Variants in STK11 observed in about 807,000 individuals in gnomAD.
STK11 encodes the protein serine/threonine kinase 11, also known as serine/threonine-protein kinase STK11.
In STK11, 8 loss-of-function variants were observed where a neutral mutation model predicts 47.3. That is an observed-to-expected ratio of 0.17 (90% CI 0.10 to 0.31). The LOEUF (loss-of-function observed/expected upper bound fraction) is 0.31, where lower values mean the gene tolerates loss of function less well. STK11 is among the 10% of genes least tolerant of loss of function. The probability of loss-of-function intolerance (pLI) is 1.00; values close to 1 mark genes in which losing one functional copy is unlikely to be tolerated. For missense variants in STK11, 475 were observed against 605.0 expected, an observed-to-expected ratio of 0.79 and a Z score of 2.25; for synonymous variants, 330 against 255.8, an observed-to-expected ratio of 1.29 and a Z score of -2.77.
At chr19:1,208,422 C>T (rs1414527077) in intron 1 of STK11, among the ~76,000 whole-genome samples, 1 of 151,252 alleles carries the variant, frequency 6.6e-6, no homozygotes, top group African/African-American at 2.4e-5. Flanking sequence ...ATTCTCCTGC[C>T]TCAGCCTCCC....
At chr19:1,226,081 C>G in intron 8 of STK11, 1 of 1,082,024 alleles carries the variant, frequency 9.2e-7, no homozygotes, top group African/African-American at 1.7e-5. Flanking sequence ...TCCTGGGCCT[C>G]TAGAACCAAC....
chr19:1,210,620 A>G (rs1214904944), intron 1 of STK11, among the ~76,000 whole-genome samples: 1 of 152,280 alleles, frequency 6.6e-6, no homozygotes, highest in Non-Finnish European at 1.5e-5. Context: ...CTGTAATCCC[A>G]GCACTTTGGG....
At chr19:1,226,293 G>A (rs2080820005) in intron 8 of STK11, 161 bp from the exon 9 acceptor site, 6 of 1,448,964 alleles carry the variant, frequency 4.1e-6, no homozygotes, top group Non-Finnish European at 3.6e-6. Context: ...AGAGCTGCTG[G>A]GGGGCAGCAT....
chr19:1,227,677 G>T lies in STK11; in HGVS notation c.*101G>T. ...CGCCCGCCCTCCCGGAGAGGTGGCC[G>T]CCATGCTTCTGTGCCGACCACGCCC... is the stretch of plus-strand genomic sequence containing the variant. On this transcript the variant is annotated 3_prime_UTR_variant, in exon 10 of 10. Transcript: ENST00000326873. 1.9e-6 allele frequency: 2 copies of T among 1,069,140 alleles called. No individual in the cohort carries two copies. Among genetic ancestry groups the T allele is most frequent in the Non-Finnish European group, 2.3e-6 (2 of 881,634 alleles). 66.2% of individuals were successfully genotyped at this position (1,069,140 alleles called of 1,614,324 possible).
In STK11 at chr19:1,207,052, G is replaced by A. The variant is rs2145405098; in HGVS notation, c.139G>A (p.Gly47Ser). The A allele has an allele frequency of 6.2e-7, 1 of 1,613,878 alleles. No homozygotes were observed. Among genetic ancestry groups the A allele is most frequent in the Non-Finnish European group, 8.5e-7 (1 of 1,179,870 alleles). ...QPRRKRAKLI[G>S]KYLMGDLLGE... is the part of the protein sequence containing the mutation. ...GCGCCGCAAGCGGGCCAAGCTCATC[G>A]GCAAGTACCTGATGGGGGACCTGCT... The change falls in exon 1 of 10, where the codon GGC becomes AGC. Residue 47 changes from glycine (G) to serine (S), a missense_variant. Transcript: ENST00000326873.
At position 1,212,494 on chromosome 19, in the gene STK11, C is replaced by T. The variant is rs541605217; in HGVS notation, c.290+5291C>T. Among the ~76,000 whole-genome samples, 12 of 152,164 alleles carry T rather than the reference C, an allele frequency of 7.9e-5. No homozygotes were observed. In the East Asian group the frequency reaches 2.3e-3, roughly 29 times the overall value. ...CTCAAACTCCTAGACTCAAGCTATC[C>T]GCCTGCCTGGGCCTCCCAGAGTGCT... is the stretch of plus-strand genomic sequence containing the variant. On this transcript the variant is annotated intron_variant, in intron 1 of 9. Transcript: ENST00000326873.
chr19:1,222,641 C>A (rs1448017072), intron 7 of STK11, among the ~76,000 whole-genome samples: 1 of 152,132 alleles, frequency 6.6e-6, no homozygotes, highest in Non-Finnish European at 1.5e-5. Flanking sequence ...CTGGGGCTGC[C>A]CCCCGATAGC....
Position 1,207,151 on chromosome 19 carries a change from C to T in STK11, c.238C>T (p.Leu80Phe), listed in dbSNP as rs1131690927. 1.2e-6 allele frequency: 2 copies of T among 1,612,706 alleles called. No individual in the cohort carries two copies. Among genetic ancestry groups the T allele is most frequent in the Non-Finnish European group, 1.7e-6 (2 of 1,179,396 alleles). Residue 80 changes from leucine (L) to phenylalanine (F), a missense_variant, in exon 1 of 10, where the codon CTC becomes TTC. Physicochemically the swap from Leu to Phe is conservative, Grantham distance 22. Coordinates refer to ENST00000326873, the MANE Select transcript of STK11 (RefSeq NM_000455.5). The part of the protein sequence containing the change: ...ETLCRRAVKI[L>F]KKKKLRRIPN... ...GCTGTGCAGGAGGGCCGTCAAGATC[C>T]TCAAGAAGAAGAAGTTGCGAAGGAT...
rs930288346 is a variant in STK11, at chr19:1,218,640, C to G, written c.374+140C>G. 3.0e-5 allele frequency: 23 copies of G among 764,378 alleles called. No individual in the cohort carries two copies. In the East Asian group the frequency reaches 5.5e-4, roughly 18 times the overall value. The allele number at this position is 764,378 out of a possible 1,614,324, so 47.3% of individuals were successfully genotyped here. ...AGGGCCGTGGCCTTCCCTGGTTCCC[C>G]GGAAGTCAGCCATTGTGGCAATGGC... On this transcript the variant is annotated intron_variant, in intron 2 of 9. Coordinates refer to ENST00000326873, the MANE Select transcript of STK11 (RefSeq NM_000455.5).
At chr19:1,207,324 C>T (rs573851422) in intron 1 of STK11, 121 bp downstream of exon 1, 5 of 1,334,476 alleles carry the variant, frequency 3.7e-6, no homozygotes, top group Admixed American at 4.9e-5. Context: ...GAGCTGGACC[C>T]GTCTGGCGCC....
chr19:1,208,116 C>T (rs993815381), intron 1 of STK11, among the ~76,000 whole-genome samples: 3 of 152,138 alleles, frequency 2.0e-5, no homozygotes, highest in African/African-American at 4.8e-5. Flanking sequence ...AAGAAAGGAC[C>T]TTATCTGCTG....
Position 1,223,699 on chromosome 19 carries a change from C to T in STK11, c.1108+527C>T. On this transcript the variant is annotated intron_variant, in intron 8 of 9. Transcript: ENST00000326873. ...AGCGCGGCTTGCAGAAGAGCGAGGG[C>T]TCAGACCTTTCAGGAGAGGAAGCCT... 1 of 1,044,616 alleles carries T rather than the reference C, an allele frequency of 9.6e-7. No individual in the cohort carries two copies. Among genetic ancestry groups the T allele is most frequent in the South Asian group, 4.5e-5 (1 of 22,242 alleles). The allele number at this position is 1,044,616 out of a possible 1,614,324, so 64.7% of individuals were successfully genotyped here.
At position 1,207,281 on chromosome 19, in the gene STK11, C is replaced by T. The variant is rs3764641; in HGVS notation, c.290+78C>T. The T allele has an allele frequency of 0.12, 173,730 of 1,483,872 alleles. 12,394 individuals carry two copies. The highest frequency in any genetic ancestry group is 0.39 in the East Asian group (15,929 of 40,532). 91.9% of individuals were successfully genotyped at this position (1,483,872 alleles called of 1,614,324 possible). A position where few individuals can be genotyped will look rare whatever the true frequency, so the allele number is the denominator to read the frequency against. ...TGGTTCTGTCTTCCTTCCTTCTCTCCTCCCTCCCTCCCTTACTTCCTCTTA... is the reference window on the plus strand; with the variant it reads ...TGGTTCTGTCTTCCTTCCTTCTCTCTTCCCTCCCTCCCTTACTTCCTCTTA... On this transcript the variant is annotated intron_variant, in intron 1 of 9. Coordinates refer to ENST00000326873, the MANE Select transcript of STK11 (RefSeq NM_000455.5).
chr19:1,216,780 A>G (rs1286086133), intron 1 of STK11, among the ~76,000 whole-genome samples: 1 of 150,380 alleles, frequency 6.6e-6, no homozygotes, highest in Non-Finnish European at 1.5e-5. Flanking sequence ...AGATGGGAGG[A>G]TCGCTTGAGC....
rs58579265 is a variant in STK11 at position 1,219,444 on chromosome 19, G to GCGGGGGC, written c.464+40_464+46dup. 0.17 allele frequency: 226,487 copies of GCGGGGGC among 1,297,748 alleles called. 29,900 individuals carry two copies. The highest frequency in any genetic ancestry group is 0.52 in the East Asian group (19,847 of 37,984). 80.4% of individuals were successfully genotyped at this position (1,297,748 alleles called of 1,614,324 possible). A position where few individuals can be genotyped will look rare whatever the true frequency, so the allele number is the denominator to read the frequency against. ...TGCGCGGGGCAGGGGCCAGGGTGGG[G>GCGGGGGC]CGGGGGCCGGGGGCCAGGCAGGGCA... On this transcript the variant is annotated intron_variant, in intron 3 of 9. Transcript: ENST00000326873.
chr19:1,226,419 C>G, intron 8 of STK11, 35 bp from the exon 9 acceptor site: 1 of 1,599,290 alleles, frequency 6.3e-7, no homozygotes, highest in Non-Finnish European at 8.5e-7. Flanking sequence ...GGTTGCGCCC[C>G]TCAGCTCAGG....
chr19:1,211,783 G>A (rs1259112287), intron 1 of STK11, among the ~76,000 whole-genome samples: 1 of 152,280 alleles, frequency 6.6e-6, no homozygotes, highest in African/African-American at 2.4e-5. Flanking sequence ...GCCAGGAGGT[G>A]GGAGGTGGGC....
At chr19:1,208,349 C>T (rs1452338969) in intron 1 of STK11, among the ~76,000 whole-genome samples, 7 of 150,874 alleles carry the variant, frequency 4.6e-5, no homozygotes, top group Non-Finnish European at 7.4e-5. Flanking sequence ...GCTCTGTTCC[C>T]CAGGCTGGAG....
intron 1 of STK11, 85 bp downstream of exon 1, chr19:1,207,288 C>T (rs2080674775): frequency 1.3e-6 from 2 of 1,485,088 alleles, no homozygotes; most frequent in Non-Finnish European, 1.8e-6. Flanking sequence ...CTCCTCCCTC[C>T]CTCCCTTACT....
Sources: allele counts gnomAD v4.1 joint callset (sites outside exome capture counted in the v4.1 genomes callset), GRCh38; gene constraint gnomAD v4.1.1; transcripts MANE v1.5; gene names NCBI Gene and HGNC (gene_info 2026-07-23, HGNC 2026-07-21).